PKHD1: variants seen among roughly 807,000 people sequenced by gnomAD.
PKHD1 encodes the protein PKHD1 ciliary IPT domain containing fibrocystin/polyductin, also known as fibrocystin.
In PKHD1, 291 loss-of-function variants were observed where a neutral mutation model predicts 412.0. That is an observed-to-expected ratio of 0.71 (90% CI 0.64 to 0.78). The LOEUF (loss-of-function observed/expected upper bound fraction) is 0.78. Among genes scored for constraint, PKHD1 ranks in the 30% least tolerant of loss-of-function variants. PKHD1 has a pLI of 0.00. For synonymous variants in PKHD1, 1,777 were observed against 1,821.5 expected, an observed-to-expected ratio of 0.98 and a Z score of 0.62; for missense variants, 4,825 against 4,950.7, an observed-to-expected ratio of 0.97 and a Z score of 0.76.
chr6:51,698,196 G>C (rs1779022800), intron 60 of PKHD1, among the ~76,000 whole-genome samples: 1 of 152,132 alleles, frequency 6.6e-6, no homozygotes, highest in Non-Finnish European at 1.5e-5. Flanking sequence ...TGAGGTTCTA[G>C]AGGTATAAAA....
intron 60 of PKHD1, among the ~76,000 whole-genome samples, chr6:51,733,794 C>A (rs978882678): frequency 1.3e-5 from 2 of 152,026 alleles, no homozygotes; most frequent in Non-Finnish European, 1.5e-5. Context: ...CTCTGTCATG[C>A]CAAAAGGCAA....
intron 13 of PKHD1, 79 bp from the exon 14 acceptor site, chr6:52,062,739 G>T: frequency 6.4e-7 from 1 of 1,564,992 alleles, no homozygotes; most frequent in East Asian, 2.2e-5. Flanking sequence ...TAAATTACAA[G>T]GTGAAAGATG....
At chr6:51,996,467 T>C (rs1274638141) in intron 35 of PKHD1, among the ~76,000 whole-genome samples, 1 of 152,190 alleles carries the variant, frequency 6.6e-6, no homozygotes, top group Admixed American at 6.5e-5. Flanking sequence ...CGTTGGGAGC[T>C]GGTACATCAT....
chr6:51,772,714 GA>G lies in PKHD1; in HGVS notation c.8629del (p.Ser2877GlnfsTer7), dbSNP rs779168950. The G allele has an allele frequency of 6.4e-7, 1 of 1,571,034 alleles. No individual in the cohort carries two copies. The highest frequency in any genetic ancestry group is 1.4e-5 in the African/African-American group (1 of 73,952). The stretch of plus-strand genomic sequence containing the variant: ...TCTCATTCCTTACCTCTCATTTCCT[GA>G]GGCAATATCAGCTCCAAGATGTGTC... ...SWTHLGADIA[S>X]GNERIIVEDA... On this transcript the variant is annotated frameshift_variant, in exon 55 of 67. Coordinates refer to ENST00000371117, the MANE Select transcript of PKHD1 (RefSeq NM_138694.4). LOFTEE classifies it high-confidence loss of function.
At chr6:52,068,800 A>G (rs997746184) in intron 11 of PKHD1, among the ~76,000 whole-genome samples, 22 of 152,330 alleles carry the variant, frequency 1.4e-4, no homozygotes, top group African/African-American at 5.3e-4. Context: ...GGATTAGGCT[A>G]TCTAGAGAGT....
At chr6:51,723,787 AAGAG>A (rs1782218681) in intron 60 of PKHD1, among the ~76,000 whole-genome samples, 1 of 152,272 alleles carries the variant, frequency 6.6e-6, no homozygotes, top group African/African-American at 2.4e-5. Flanking sequence ...TAATTCCAGA[AAGAG>A]AGAAAGACAG....
Position 51,883,603 on chromosome 6 carries a change from A to C in PKHD1, c.7216-376T>G, listed in dbSNP as rs1583186989. On this transcript the variant is annotated intron_variant, in intron 45 of 66. Coordinates refer to ENST00000371117, the MANE Select transcript of PKHD1 (RefSeq NM_138694.4). ...TTCAATGTATTATATATTAACTCAT[A>C]CTGTCAGAAGATTGCAAATATGAAA... Among the ~76,000 whole-genome samples, 8 of 152,336 alleles carry C rather than the reference A, an allele frequency of 5.3e-5. No individual in the cohort carries two copies. The Middle Eastern group carries it at 0.02, about 389-fold the overall frequency.
At chr6:51,673,031 C>T (rs1450423066) in intron 60 of PKHD1, among the ~76,000 whole-genome samples, 1 of 152,132 alleles carries the variant, frequency 6.6e-6, no homozygotes, top group Non-Finnish European at 1.5e-5. Flanking sequence ...TGGCATTCTT[C>T]TAGAGAGGAC....
intron 35 of PKHD1, among the ~76,000 whole-genome samples, chr6:51,966,929 T>C (rs1482967309): frequency 1.3e-5 from 2 of 151,216 alleles, no homozygotes; most frequent in Non-Finnish European, 2.9e-5. Context: ...TGGATTGGAT[T>C]GGGAAAGGAG....
At position 51,917,027 on chromosome 6, in the gene PKHD1, A is replaced by G. The variant is rs1783905161; in HGVS notation, c.6122-4451T>C. ...AGAGCACCATTCTTACTAAATGGGC[A>G]TGGAGAAAAATAAAATAATCCTTGT... On this transcript the variant is annotated intron_variant, in intron 37 of 66. Transcript: ENST00000371117. Among the ~76,000 whole-genome samples the G allele has an allele frequency of 1.3e-5, 2 of 151,984 alleles. 1 individual carries two copies. Among genetic ancestry groups the G allele is most frequent in the South Asian group, 4.2e-4 (2 of 4,814 alleles).
intron 52 of PKHD1, among the ~76,000 whole-genome samples, chr6:51,812,211 G>A (rs1764807079): frequency 6.6e-6 from 1 of 152,160 alleles, no homozygotes; most frequent in Admixed American, 6.6e-5. Context: ...CCCTATTAGA[G>A]TTTCAGTACC....
At chr6:51,834,685 G>T (rs945182550) in intron 51 of PKHD1, among the ~76,000 whole-genome samples, 1 of 152,122 alleles carries the variant, frequency 6.6e-6, no homozygotes, top group Non-Finnish European at 1.5e-5. Context: ...ATGAGAATCA[G>T]GCAATGTCTT....
At chr6:52,060,173 A>G (rs1226346513) in intron 14 of PKHD1, 131 bp from the exon 15 acceptor site, 2 of 681,260 alleles carry the variant, frequency 2.9e-6, no homozygotes, top group Non-Finnish European at 5.4e-6. Context: ...ATGCCACACA[A>G]TTGTCCAGAA....
chr6:51,927,019 G>A (rs2127738968), intron 37 of PKHD1, among the ~76,000 whole-genome samples: 1 of 152,230 alleles, frequency 6.6e-6, no homozygotes, highest in Middle Eastern at 3.4e-3. Flanking sequence ...GCCACAACAT[G>A]CCAGCTGACC....
chr6:51,912,458 A>G lies in PKHD1; in HGVS notation c.6240T>C (p.Ser2080=), dbSNP rs2127667413. The G allele has an allele frequency of 1.2e-6, 2 of 1,612,738 alleles. No homozygotes were observed. The highest frequency in any genetic ancestry group is 2.2e-5 in the South Asian group (2 of 91,050). ...GTTTGGCACCTTTAACACCTGTTCC[A>G]CTGATGATGACAACTTCATCCCCAG... The part of the protein sequence containing the change: ...WNPGDEVVII[S]GTGVKGAKPM... Residue 2080 remains serine (S), a synonymous_variant, in exon 38 of 67, where the codon AGT becomes AGC. Coordinates refer to ENST00000371117, the MANE Select transcript of PKHD1 (RefSeq NM_138694.4).
intron 60 of PKHD1, among the ~76,000 whole-genome samples, chr6:51,671,632 TAG>T (rs1173346734): frequency 1.7e-4 from 26 of 152,194 alleles, no homozygotes; most frequent in African/African-American, 5.3e-4. Flanking sequence ...CTCTGCTTTT[TAG>T]AGTTTCCAGT....
intron 60 of PKHD1, among the ~76,000 whole-genome samples, chr6:51,703,344 G>T (rs1371876502): frequency 6.6e-6 from 1 of 151,966 alleles, no homozygotes; most frequent in Non-Finnish European, 1.5e-5. Context: ...AGAAGGGACT[G>T]TGAGGATACA....
chr6:51,641,043 C>T (rs1478706226), intron 63 of PKHD1, among the ~76,000 whole-genome samples: 1 of 152,066 alleles, frequency 6.6e-6, no homozygotes, highest in African/African-American at 2.4e-5. Context: ...ATAATCCATC[C>T]CAAATGCTTT....
At chr6:51,925,327 A>G (rs1265260796) in intron 37 of PKHD1, among the ~76,000 whole-genome samples, 2 of 152,198 alleles carry the variant, frequency 1.3e-5, no homozygotes, top group African/African-American at 4.8e-5. Flanking sequence ...CTAAAATACG[A>G]TACAGAGTCA....
Sources: allele counts gnomAD v4.1 joint callset (sites outside exome capture counted in the v4.1 genomes callset), GRCh38; gene constraint gnomAD v4.1.1; transcripts MANE v1.5; gene names NCBI Gene and HGNC (gene_info 2026-07-23, HGNC 2026-07-21).